EFR3A: variants seen among roughly 807,000 people sequenced by gnomAD.
EFR3A encodes the protein protein EFR3 homolog A.
In EFR3A, 76 loss-of-function variants were observed where a neutral mutation model predicts 104.4. The observed-to-expected ratio is 0.73, with a 90% confidence interval of 0.60 to 0.88. EFR3A has a LOEUF of 0.88. Among genes scored for constraint, EFR3A ranks in the 40% least tolerant of loss-of-function variants. The probability of loss-of-function intolerance (pLI) is 0.00; values close to 1 mark genes in which losing one functional copy is unlikely to be tolerated. For missense variants in EFR3A, 985 were observed against 1,012.5 expected (o/e 0.97, Z 0.37); for synonymous variants, 330 against 330.0 (o/e 1.00, Z 0.00).
intron 9 of EFR3A, among the ~76,000 whole-genome samples, chr8:131,969,894 G>A (rs921004239): frequency 6.6e-6 from 1 of 152,060 alleles, no homozygotes; most frequent in African/African-American, 2.4e-5. Context: ...AAGAGTAAAA[G>A]GCAGAAATGA....
At position 131,917,074 on chromosome 8, in the gene EFR3A, C is replaced by T. The variant is rs181510535; in HGVS notation, c.10+12752C>T. Among the ~76,000 whole-genome samples, 56 of 152,306 alleles carry T rather than the reference C, an allele frequency of 3.7e-4. No homozygotes were observed. In the Middle Eastern group the frequency reaches 0.02, roughly 56 times the overall value. ...ATAAGCTAAAATAAATAATATAGAA[C>T]TAAACTGTTAGTAATTTATCAACCC... On this transcript the variant is annotated intron_variant, in intron 1 of 22. Transcript: ENST00000254624.
chr8:131,914,170 A>C (rs1816646713), intron 1 of EFR3A, among the ~76,000 whole-genome samples: 1 of 152,170 alleles, frequency 6.6e-6, no homozygotes, highest in Non-Finnish European at 1.5e-5. Flanking sequence ...AATGTATAAC[A>C]CCTAAGATTC....
intron 10 of EFR3A, among the ~76,000 whole-genome samples, chr8:131,972,140 G>A (rs755010086): frequency 2.0e-5 from 3 of 151,954 alleles, no homozygotes; most frequent in African/African-American, 7.3e-5. Context: ...TGAACTCAAT[G>A]GATTTATATT....
At chr8:131,918,712 C>A (rs1455858965) in intron 1 of EFR3A, among the ~76,000 whole-genome samples, 1 of 152,128 alleles carries the variant, frequency 6.6e-6, no homozygotes, top group East Asian at 1.9e-4. Flanking sequence ...TAAGAAGAAT[C>A]AATGCTGTTG....
intron 9 of EFR3A, among the ~76,000 whole-genome samples, chr8:131,968,680 A>G (rs924111302): frequency 2.6e-5 from 4 of 152,140 alleles, no homozygotes; most frequent in South Asian, 2.1e-4. Context: ...TATTGATTAT[A>G]TACTGAACAT....
chr8:131,951,457 T>A (rs1028805295), intron 5 of EFR3A, among the ~76,000 whole-genome samples: 1 of 152,138 alleles, frequency 6.6e-6, no homozygotes, highest in African/African-American at 2.4e-5. Context: ...TATGAGACTA[T>A]TCTCTGTCTT....
intron 1 of EFR3A, among the ~76,000 whole-genome samples, chr8:131,908,681 C>G (rs981686557): frequency 3.3e-5 from 5 of 152,072 alleles, no homozygotes; most frequent in African/African-American, 1.2e-4. Flanking sequence ...TGGGTCTGAC[C>G]TCTTAAGTCC....
chr8:131,990,776 A>G (rs1821138599), intron 18 of EFR3A, among the ~76,000 whole-genome samples: 2 of 152,164 alleles, frequency 1.3e-5, no homozygotes, highest in African/African-American at 4.8e-5. Flanking sequence ...CAGAGTAGGT[A>G]GATTCTAGAA....
At chr8:131,938,351 T>A in intron 1 of EFR3A, 1 of 397,184 alleles carries the variant, frequency 2.5e-6, no homozygotes, top group Non-Finnish European at 4.4e-6. Flanking sequence ...TGTTCTGATA[T>A]TTATAAGTAG....
chr8:132,008,123 G>A (rs755330598), intron 22 of EFR3A, among the ~76,000 whole-genome samples: 3 of 151,922 alleles, frequency 2.0e-5, no homozygotes, highest in Non-Finnish European at 2.9e-5. Context: ...ACCATTAAAA[G>A]ACTCCAGTAA....
Position 131,959,718 on chromosome 8 carries a change from G to A in EFR3A, c.855+55G>A, listed in dbSNP as rs992537691. 3 of 1,272,554 alleles carry A rather than the reference G, an allele frequency of 2.4e-6. No homozygotes were observed. In the African/African-American group the frequency reaches 4.5e-5, roughly 19 times the overall value. The allele number at this position is 1,272,554 out of a possible 1,614,324, so 78.8% of individuals were successfully genotyped here. On this transcript the variant is annotated intron_variant, in intron 8 of 22. Coordinates refer to ENST00000254624, the MANE Select transcript of EFR3A (RefSeq NM_015137.6). ...TATATAAGTAATTTTGGTTCTCTAT[G>A]GATAAGCACATTATCAAACAGATGT...
At chr8:131,956,602 G>T (rs1176535676) in intron 7 of EFR3A, among the ~76,000 whole-genome samples, 1 of 152,108 alleles carries the variant, frequency 6.6e-6, no homozygotes, top group African/African-American at 2.4e-5. Context: ...CCTTCTGACT[G>T]TAATAGTGGC....
chr8:131,938,198 A>G, intron 1 of EFR3A: 1 of 397,582 alleles, frequency 2.5e-6, no homozygotes, highest in Non-Finnish European at 4.4e-6. Context: ...AGTCAGAAAG[A>G]TCGACTAGAA....
intron 1 of EFR3A, among the ~76,000 whole-genome samples, chr8:131,914,829 GC>G (rs1315496946): frequency 6.6e-6 from 1 of 151,984 alleles, no homozygotes; most frequent in African/African-American, 2.4e-5. Flanking sequence ...CCTCAAGTGG[GC>G]CCCAGTGTCC....
At chr8:131,930,962 G>A (rs984109778) in intron 1 of EFR3A, among the ~76,000 whole-genome samples, 3 of 152,092 alleles carry the variant, frequency 2.0e-5, no homozygotes, top group Non-Finnish European at 2.9e-5. Flanking sequence ...AATACCTGAA[G>A]TACACAATAA....
In EFR3A at chr8:131,986,221, C is replaced by G; in HGVS notation, c.1897C>G (p.Pro633Ala). 4 of 1,593,334 alleles carry G rather than the reference C, an allele frequency of 2.5e-6. No individual in the cohort carries two copies. Among genetic ancestry groups the G allele is most frequent in the Non-Finnish European group, 2.6e-6 (3 of 1,165,246 alleles). Residue 633 changes from proline (P) to alanine (A), a missense_variant, in exon 17 of 23, where the codon CCT becomes GCT. Coordinates refer to ENST00000254624, the MANE Select transcript of EFR3A (RefSeq NM_015137.6). ...KVIEIRTMEA[P>A]YFLPEHIFRD... ...TATTGAAATTCGAACTATGGAAGCC[C>G]CTTATTTTCTACCAGAGCATATCTT...
At chr8:131,986,331 G>C (rs991500044) in intron 17 of EFR3A, 70 bp downstream of exon 17, 14 of 719,330 alleles carry the variant, frequency 1.9e-5, no homozygotes, top group Admixed American at 3.1e-5. Context: ...AATTATAAAG[G>C]AGTAAATATT....
intron 3 of EFR3A, among the ~76,000 whole-genome samples, chr8:131,946,112 A>G (rs989658971): frequency 1.3e-5 from 2 of 152,050 alleles, no homozygotes; most frequent in African/African-American, 4.8e-5. Flanking sequence ...TAAGTAGATT[A>G]TATTGGAAAT....
intron 18 of EFR3A, among the ~76,000 whole-genome samples, chr8:131,994,773 G>A (rs1821391893): frequency 6.6e-6 from 1 of 152,118 alleles, no homozygotes; most frequent in Non-Finnish European, 1.5e-5. Context: ...AAATAGAATT[G>A]ATTAATAAGA....
Sources: gnomAD v4.1 joint callset for allele counts (sites outside exome capture counted in the v4.1 genomes callset) on GRCh38, gnomAD v4.1.1 for gene constraint, MANE v1.5 for transcripts, NCBI Gene and HGNC (gene_info 2026-07-23, HGNC 2026-07-21) for gene names.